RIIAD1: variants seen among roughly 807,000 people sequenced by gnomAD.
The protein encoded by RIIAD1 is regulatory subunit of type II PKA R-subunit domain containing 1, also known as RIIa domain-containing protein 1.
In RIIAD1, 15 loss-of-function variants were observed where a neutral mutation model predicts 13.3. That is an observed-to-expected ratio of 1.13 (90% confidence interval 0.76 to 1.74). RIIAD1 has a LOEUF of 1.74. Among genes scored for constraint, RIIAD1 ranks in the 40% most tolerant of loss-of-function variants. The pLI, the probability that RIIAD1 is intolerant of heterozygous loss-of-function variation, is 0.00. For synonymous variants in RIIAD1, 50 were observed against 43.3 expected, an observed-to-expected ratio of 1.16 and a Z score of -0.61; for missense variants, 121 against 112.2, an observed-to-expected ratio of 1.08 and a Z score of -0.35.
upstream of RIIAD1, among the ~76,000 whole-genome samples, chr1:151,717,122 G>A (rs547422731): frequency 2.1e-4 from 32 of 152,264 alleles, no homozygotes; most frequent in South Asian, 6.0e-3. Context: ...GGTGCTGGAA[G>A]ACTCAGCAGA....
rs1362018428 is a variant in RIIAD1, at chr1:151,715,712, C to T, written c.21+1183C>T. The T allele has an allele frequency of 1.2e-5, 18 of 1,558,480 alleles. No individual in the cohort carries two copies. The Admixed American group carries it at 2.4e-4, about 21-fold the overall frequency. On this transcript the variant is annotated intron_variant, in intron 4 of 8. Transcript: ENST00000326413. ...GTCCTTCACCGGGGTTTCCTGATCA[C>T]TCTAGCTGAGTTCTTTTTCAGCTCC...
chr1:151,720,953 C>G (rs1410972691), upstream of RIIAD1, among the ~76,000 whole-genome samples: 1 of 152,216 alleles, frequency 6.6e-6, no homozygotes, highest in Non-Finnish European at 1.5e-5. Context: ...GAAAGTTAAT[C>G]TACACAAAAA....
exon 4 of RIIAD1, chr1:151,714,476 G>A: frequency 1.3e-6 from 1 of 758,344 alleles, no homozygotes; most frequent in Middle Eastern, 2.2e-4. Context: ...GAGAGAGAGG[G>A]GGACTTCCTG....
At chr1:151,726,256 A>G (rs1017013218) in intron 2 of RIIAD1, among the ~76,000 whole-genome samples, 4 of 152,318 alleles carry the variant, frequency 2.6e-5, no homozygotes, top group African/African-American at 7.2e-5. Flanking sequence ...GCACTATTTA[A>G]TACTCCTCTT....
At chr1:151,715,229 G>A (rs1673377203) in intron 4 of RIIAD1, among the ~76,000 whole-genome samples, 1 of 151,976 alleles carries the variant, frequency 6.6e-6, no homozygotes, top group Admixed American at 6.6e-5. Context: ...CCGGTGTGTG[G>A]AGCTCTCCAA....
In RIIAD1 at chr1:151,714,300, A is replaced by G; in HGVS notation, c.-89-120A>G. On this transcript the variant is annotated intron_variant, in intron 3 of 8. Coordinates refer to the RIIAD1 transcript ENST00000326413. ...CAGAGACTTTTCCCCACACCTTCCA[A>G]CCAGCGAGTCCTCCCTCTAGTGTTG... 8.6e-6 allele frequency: 5 copies of G among 579,026 alleles called. No individual in the cohort carries two copies. In the Admixed American group the frequency reaches 1.5e-4, roughly 18 times the overall value. The allele number at this position is 579,026 out of a possible 1,614,324, so 35.9% of individuals were successfully genotyped here. A position where few individuals can be genotyped will look rare whatever the true frequency, so the allele number is the denominator to read the frequency against.
At chr1:151,719,193 A>T (rs900132387), upstream of RIIAD1, among the ~76,000 whole-genome samples, 1 of 151,898 alleles carries the variant, frequency 6.6e-6, no homozygotes, top group African/African-American at 2.4e-5. Context: ...GAGTTGTACC[A>T]CTCATCAGAC....
chr1:151,719,770 G>C (rs1272181545), upstream of RIIAD1: 1 of 641,398 alleles, frequency 1.6e-6, no homozygotes, highest in African/African-American at 1.8e-5. Context: ...TCATACATGG[G>C]CATTTGGGTC....
chr1:151,712,532 A>G (rs145260771), intron 2 of RIIAD1, among the ~76,000 whole-genome samples: 112 of 152,312 alleles, frequency 7.4e-4, no homozygotes, highest in African/African-American at 2.6e-3. Flanking sequence ...ATTTTGGTTC[A>G]GGGTGAAGGG....
chr1:151,728,987 G>C, intron 4 of RIIAD1, 94 bp downstream of exon 4: 1 of 620,572 alleles, frequency 1.6e-6, no homozygotes, highest in Non-Finnish European at 2.9e-6. Flanking sequence ...AAATCAAGTG[G>C]AGAATTTAAA....
intron 4 of RIIAD1, chr1:151,715,750 C>T: frequency 6.3e-7 from 1 of 1,596,386 alleles, no homozygotes; most frequent in South Asian, 1.1e-5. Context: ...CATCCACTTT[C>T]CTCAGGCCTG....
At chr1:151,722,823 T>G (rs1400279909) in intron 2 of RIIAD1, among the ~76,000 whole-genome samples, 5 of 152,240 alleles carry the variant, frequency 3.3e-5, no homozygotes, top group Admixed American at 6.5e-5. Flanking sequence ...GCTCCGAGCT[T>G]GTGGAGTGTG....
upstream of RIIAD1, among the ~76,000 whole-genome samples, chr1:151,717,980 C>G (rs1673614505): frequency 2.6e-5 from 4 of 152,060 alleles, no homozygotes; most frequent in South Asian, 8.3e-4. Context: ...TGCTTTCTGT[C>G]AGTGCTCAGC....
At position 151,722,085 on chromosome 1, in the gene RIIAD1, G is replaced by T; in HGVS notation, c.85-1G>T. On this transcript the variant is annotated splice_acceptor_variant, in intron 1 of 4. Transcript: ENST00000479191. LOFTEE classifies it high-confidence loss of function. The stretch of plus-strand genomic sequence containing the variant: ...AGTGACCCTTTGTTCTTGCCCCCCA[G>T]ATTCAGACTCGGATTGCTAACGAAA... 1.3e-6 allele frequency: 2 copies of T among 1,549,460 alleles called. No individual in the cohort carries two copies. Among genetic ancestry groups the T allele is most frequent in the Non-Finnish European group, 1.7e-6 (2 of 1,145,018 alleles).
chr1:151,715,720 G>C (rs1418366900), intron 4 of RIIAD1: 6 of 1,570,590 alleles, frequency 3.8e-6, no homozygotes, highest in Non-Finnish European at 5.1e-6. Context: ...CACTCTAGCT[G>C]AGTTCTTTTT....
At chr1:151,714,272 G>A in intron 3 of RIIAD1, 1 of 565,354 alleles carries the variant, frequency 1.8e-6, no homozygotes, top group African/African-American at 1.9e-5. Flanking sequence ...CACACTTGGT[G>A]TCCAGAGACT....
upstream of RIIAD1, chr1:151,719,791 A>T (rs1673703733): frequency 6.6e-6 from 4 of 606,272 alleles, no homozygotes; most frequent in Admixed American, 5.9e-5. Flanking sequence ...ATAGGATGTG[A>T]TCAGTGAAGA....
chr1:151,722,129 A>G lies in RIIAD1; in HGVS notation c.128A>G (p.Lys43Arg). The change falls in exon 2 of 5, where the codon AAA (lysine) becomes AGA (arginine). Residue 43 changes from lysine to arginine, a missense_variant. Lys to Arg is a conservative substitution (Grantham distance 26). Transcript: ENST00000479191. Reference protein sequence around the residue: ...IANEKYLRTHKEVEWLISGFF... With the variant: ...IANEKYLRTHREVEWLISGFF... Reference sequence around the variant, plus strand: ...AACGAAAAGTACCTAAGGACCCACAAAGAAGTAGAGTGGCTCATAAGTGGT... The same window carrying G: ...AACGAAAAGTACCTAAGGACCCACAGAGAAGTAGAGTGGCTCATAAGTGGT... 1 of 1,551,322 alleles carries G rather than the reference A, an allele frequency of 6.4e-7. No individual in the cohort carries two copies. The highest frequency in any genetic ancestry group is 8.7e-7 in the Non-Finnish European group (1 of 1,146,684).
At chr1:151,717,588 T>G (rs1220491586), upstream of RIIAD1, among the ~76,000 whole-genome samples, 1 of 152,236 alleles carries the variant, frequency 6.6e-6, no homozygotes, top group Non-Finnish European at 1.5e-5. Context: ...TAGCACCCTG[T>G]CTTGCTCATG....
Sources: gnomAD v4.1 joint callset for allele counts (sites outside exome capture counted in the v4.1 genomes callset) on GRCh38, gnomAD v4.1.1 for gene constraint, MANE v1.5 for transcripts, NCBI Gene and HGNC (gene_info 2026-07-23, HGNC 2026-07-21) for gene names.